The following SLC12A7 variants were observed in gnomAD, a reference collection of about 807,000 sequenced individuals.
SLC12A7 encodes solute carrier family 12 member 7, also known as K-Cl cotransporter 4.
A neutral mutation model predicts 120.6 loss-of-function variants in SLC12A7; 100 were observed. The ratio of observed to expected loss-of-function variants is 0.83; its 90% confidence interval spans 0.71 to 0.98. The LOEUF (loss-of-function observed/expected upper bound fraction) is 0.98, where lower values mean the gene tolerates loss of function less well. Among genes scored for constraint, SLC12A7 ranks in the 50% least tolerant of loss-of-function variants. The pLI is 0.00. For synonymous variants in SLC12A7, 760 were observed against 678.0 expected, an observed-to-expected ratio of 1.12 and a Z score of -1.88; for missense variants, 1,373 against 1,548.1, an observed-to-expected ratio of 0.89 and a Z score of 1.90.
chr5:1,146,029 A>G, the SLC12A7 span, among the ~76,000 whole-genome samples: 8 of 151,974 alleles, frequency 5.3e-5, no homozygotes, highest in African/African-American at 1.9e-4. The surrounding 1 kb of genome is among the most constrained non-coding windows in gnomAD (Gnocchi z 6.5). Context: ...CCCCTCCCCC[A>G]GCCCCTGGCA....
the SLC12A7 span, among the ~76,000 whole-genome samples, chr5:1,132,849 C>G: frequency 4.6e-4 from 70 of 152,290 alleles, no homozygotes; most frequent in Non-Finnish European, 7.9e-4. Flanking sequence ...GGCACTCGGC[C>G]CAGCACAAAT....
intron 3 of SLC12A7, among the ~76,000 whole-genome samples, chr5:1,091,895 C>T (rs1740561748): frequency 6.6e-6 from 1 of 152,160 alleles, no homozygotes; most frequent in Admixed American, 6.5e-5. Context: ...GTGATGGTCC[C>T]ACCCCAAGGG....
chr5:1,137,766 T>C, the SLC12A7 span, among the ~76,000 whole-genome samples: 1 of 152,206 alleles, frequency 6.6e-6, no homozygotes, highest in Non-Finnish European at 1.5e-5. Flanking sequence ...CTCGCCCAGG[T>C]GCGTCATCAG....
At position 1,098,822 on chromosome 5, in the gene SLC12A7, T is replaced by C. The variant is rs74651113; in HGVS notation, c.125-4574A>G. On this transcript the variant is annotated intron_variant, in intron 1 of 23. Transcript: ENST00000264930. ...CCCTCTGCTCACCCAGCCGCGTCCCTTGCGCTCCCTGGCCTGGACTTGGAC... is the reference window on the plus strand; with the variant it reads ...CCCTCTGCTCACCCAGCCGCGTCCCCTGCGCTCCCTGGCCTGGACTTGGAC... Among the ~76,000 whole-genome samples, 113 of 132,244 alleles carry C rather than the reference T, an allele frequency of 8.5e-4. 15 individuals are homozygous for C. The highest frequency in any genetic ancestry group is 3.9e-3 in the African/African-American group (110 of 28,468). 86.8% of individuals were successfully genotyped at this position (132,244 alleles called of 152,430 possible).
chr5:1,108,141 C>G (rs1742679854), intron 1 of SLC12A7, among the ~76,000 whole-genome samples: 1 of 152,256 alleles, frequency 6.6e-6, no homozygotes, highest in Admixed American at 6.5e-5. Flanking sequence ...AAGCACATGG[C>G]TCACACGTGG....
At chr5:1,065,817 C>A (rs1579335787) in intron 17 of SLC12A7, among the ~76,000 whole-genome samples, 1 of 152,108 alleles carries the variant, frequency 6.6e-6, no homozygotes, top group Admixed American at 6.5e-5. Flanking sequence ...CGCTCTGGGC[C>A]AGGTTCATCC....
intron 1 of SLC12A7, among the ~76,000 whole-genome samples, chr5:1,095,480 G>C (rs981197156): frequency 6.6e-6 from 1 of 152,226 alleles, no homozygotes; most frequent in Non-Finnish European, 1.5e-5. Context: ...CCCATGTGCT[G>C]CACACCAGCT....
At chr5:1,120,802 G>A in the SLC12A7 span, among the ~76,000 whole-genome samples, 1,764 of 152,286 alleles carry the variant, frequency 0.012, 16 homozygotes, top group Non-Finnish European at 0.019. Flanking sequence ...TGCTGTCTAC[G>A]TGAAGCTCAA....
intron 11 of SLC12A7, 102 bp from the exon 12 acceptor site, chr5:1,078,109 G>T (rs1222249437): frequency 7.3e-7 from 1 of 1,368,038 alleles, no homozygotes; most frequent in Non-Finnish European, 9.7e-7. Flanking sequence ...TGCAGTGGGG[G>T]CGACTCCTTG....
Position 1,052,320 on chromosome 5 carries a change from C to T in SLC12A7, c.*40G>A. 6.4e-7 allele frequency: 1 copy of T among 1,559,396 alleles called. No homozygotes were observed. The highest frequency in any genetic ancestry group is 1.1e-5 in the South Asian group (1 of 89,994). ...CCCAGGCCCAGGCTGCCCACGCCGTCCTCCGTGCCTGTCCCAGAGTGCCGT... is the reference window on the plus strand; with the variant it reads ...CCCAGGCCCAGGCTGCCCACGCCGTTCTCCGTGCCTGTCCCAGAGTGCCGT... On this transcript the variant is annotated 3_prime_UTR_variant, in exon 24 of 24. Coordinates refer to ENST00000264930, the MANE Select transcript of SLC12A7 (RefSeq NM_006598.3).
the SLC12A7 span, among the ~76,000 whole-genome samples, chr5:1,134,731 G>C: frequency 9.2e-5 from 14 of 152,166 alleles, no homozygotes; most frequent in Non-Finnish European, 1.9e-4. Context: ...GATTAGAGCA[G>C]CACTACCCAC....
At chr5:1,112,454 C>T (rs961715508), upstream of SLC12A7, among the ~76,000 whole-genome samples, 31 of 76,364 alleles carry the variant, frequency 4.1e-4, no homozygotes, top group African/African-American at 1.6e-3. Flanking sequence ...CTCACCCCTC[C>T]TGCACCCCCC....
chr5:1,096,577 A>C (rs888284914), intron 1 of SLC12A7, among the ~76,000 whole-genome samples: 12 of 150,820 alleles, frequency 8.0e-5, no homozygotes, highest in African/African-American at 2.7e-4. Flanking sequence ...AACTGTTTAC[A>C]GAGAGATCAG....
Position 1,083,789 on chromosome 5 carries a change from G to C in SLC12A7, c.1085C>G (p.Thr362Ser). Residue 362 changes from threonine (T) to serine (S), a missense_variant, in exon 8 of 24, where the codon ACC (threonine) becomes AGC (serine). Physicochemically the swap from Thr to Ser is moderately conservative, Grantham distance 58. Coordinates refer to ENST00000264930, the MANE Select transcript of SLC12A7 (RefSeq NM_006598.3). ...CDEYFIQNNV[T>S]EIQGIPGAAS... ...CGCGCCCGGGATGCCCTGGATTTCG[G>C]TGACGTTGTTCTGGATGAAGTACTC... 2 of 1,612,586 alleles carry C rather than the reference G, an allele frequency of 1.2e-6. No homozygotes were observed. Among genetic ancestry groups the C allele is most frequent in the African/African-American group, 1.3e-5 (1 of 75,052 alleles).
In SLC12A7 at chr5:1,078,813, GGGGGTGGGGT is replaced by G. The variant is rs1183561626; in HGVS notation, c.1397-65_1397-56del. 1,450 of 712,778 alleles carry G rather than the reference GGGGGTGGGGT, an allele frequency of 2.0e-3. 24 individuals carry two copies. In the African/African-American group the frequency reaches 0.024, roughly 12 times the overall value. The allele number at this position is 712,778 out of a possible 1,614,324, so 44.2% of individuals were successfully genotyped here. On this transcript the variant is annotated intron_variant, in intron 10 of 23. Coordinates refer to ENST00000264930, the MANE Select transcript of SLC12A7 (RefSeq NM_006598.3). ...CGTGGGTGCAGGGTCCTCAGGTACG[GGGGGTGGGGT>G]GGGGTGGGGTGGGGTGGGTGGGGAG...
chr5:1,105,822 C>T (rs1742487496), intron 1 of SLC12A7, among the ~76,000 whole-genome samples: 2 of 152,212 alleles, frequency 1.3e-5, no homozygotes, highest in Admixed American at 1.3e-4. Flanking sequence ...CCCCAGACAC[C>T]CCCAGCCCAG....
In SLC12A7 at chr5:1,073,815, G is replaced by T; in HGVS notation, c.2073-14C>A. The T allele has an allele frequency of 7.1e-7, 1 of 1,398,612 alleles. No homozygotes were observed. Among genetic ancestry groups the T allele is most frequent in the South Asian group, 1.8e-5 (1 of 55,708 alleles). 86.6% of individuals were successfully genotyped at this position (1,398,612 alleles called of 1,614,324 possible). Reference sequence around the variant, plus strand: ...AGCACCTGGGGCCTGCAGCCAGGGTGGGGCGGCTGTTACCACGGCAACGCT... The same window carrying T: ...AGCACCTGGGGCCTGCAGCCAGGGTTGGGCGGCTGTTACCACGGCAACGCT... On this transcript the variant is annotated splice_polypyrimidine_tract_variant and intron_variant, in intron 16 of 23. Transcript: ENST00000264930.
chr5:1,128,178 C>T, the SLC12A7 span, among the ~76,000 whole-genome samples: 4 of 152,206 alleles, frequency 2.6e-5, no homozygotes, highest in African/African-American at 9.7e-5. Flanking sequence ...GGAACACTCT[C>T]GCCCCTTCCC....
At position 1,075,835 on chromosome 5, in the gene SLC12A7, C is replaced by A. The variant is rs564846935; in HGVS notation, c.1847+303G>T. 353 of 510,276 alleles carry A rather than the reference C, an allele frequency of 6.9e-4. 1 individual carries two copies. Among genetic ancestry groups the A allele is most frequent in the Non-Finnish European group, 7.8e-4 (227 of 289,634 alleles). 31.6% of individuals were successfully genotyped at this position (510,276 alleles called of 1,614,324 possible). ...AGACCCACAGCCCTGATGGGCTACG[C>A]CCCAAGCCTGGGAAGGCTGGGCTGA... On this transcript the variant is annotated intron_variant, in intron 14 of 23. Transcript: ENST00000264930.
Sources: allele counts gnomAD v4.1 joint callset (sites outside exome capture counted in the v4.1 genomes callset), GRCh38; gene constraint gnomAD v4.1.1; non-coding constraint Gnocchi (gnomAD v3.1); transcripts MANE v1.5; gene names NCBI Gene and HGNC (gene_info 2026-07-23, HGNC 2026-07-21).